IFT74: variants seen among roughly 807,000 people sequenced by gnomAD.
The protein encoded by IFT74 is intraflagellar transport 74.
In IFT74, 92 loss-of-function variants were observed where a neutral mutation model predicts 96.7. That is an observed-to-expected ratio of 0.95 (90% CI 0.80 to 1.13). IFT74 has a LOEUF of 1.13. Among genes scored for constraint, IFT74 ranks in the 50% most tolerant of loss-of-function variants. The pLI is 0.00. For missense variants in IFT74, 811 were observed against 698.2 expected, an observed-to-expected ratio of 1.16 and a Z score of -1.82; for synonymous variants, 223 against 213.2, an observed-to-expected ratio of 1.05 and a Z score of -0.40.
In IFT74 at chr9:26,981,093, C is replaced by T. The variant is rs528442507; in HGVS notation, c.305+474C>T. 5.9e-4 allele frequency among the ~76,000 whole-genome samples: 90 copies of T among 152,238 alleles called. No homozygotes were observed. The Middle Eastern group carries it at 0.014, about 23-fold the overall frequency. On this transcript the variant is annotated intron_variant, in intron 4 of 19. Coordinates refer to ENST00000380062, the MANE Select transcript of IFT74 (RefSeq NM_025103.4). ...GGTGCTGAGCTAGTTTCCTTCAACC[C>T]TTTTCTAAGGCACTAATCCCATCCA...
chr9:26,959,849 C>T (rs1431453511), intron 1 of IFT74, among the ~76,000 whole-genome samples: 1 of 152,150 alleles, frequency 6.6e-6, no homozygotes, highest in Non-Finnish European at 1.5e-5. Context: ...AATGAGGGTC[C>T]AGCTAAGATT....
chr9:26,962,017 G>A lies in IFT74; in HGVS notation c.50G>A (p.Gly17Glu). The change falls in exon 2 of 20, where the codon GGA becomes GAA. Residue 17 changes from glycine to glutamate, a missense_variant. Physicochemically the swap from Gly to Glu is moderately conservative, Grantham distance 98. Coordinates refer to ENST00000380062, the MANE Select transcript of IFT74 (RefSeq NM_025103.4). The part of the protein sequence containing the change: ...SSAARPVSRG[G>E]VGLTGRPPSG... The stretch of plus-strand genomic sequence containing the variant: ...GCAGCTCGCCCTGTTTCAAGAGGTG[G>A]AGTTGGGTTAACAGGAAGGCCTCCT... 1 of 1,614,158 alleles carries A rather than the reference G, an allele frequency of 6.2e-7. No homozygotes were observed. The highest frequency in any genetic ancestry group is 8.5e-7 in the Non-Finnish European group (1 of 1,179,994).
rs1360567716 is a variant in IFT74 at position 27,065,803 on chromosome 9, G to A, written c.*3067G>A. On this transcript the variant is annotated 3_prime_UTR_variant, in exon 20 of 20. Transcript: ENST00000380062. ...ATTATAATGTTTAGACTCAAAGTAA[G>A]AAGAAATAAAGATGGACCACTAGAG... Among the ~76,000 whole-genome samples the A allele has an allele frequency of 1.3e-5, 2 of 152,268 alleles. No homozygotes were observed. Among genetic ancestry groups the A allele is most frequent in the East Asian group, 3.9e-4 (2 of 5,184 alleles).
intron 18 of IFT74, among the ~76,000 whole-genome samples, chr9:27,058,142 G>A (rs969577106): frequency 6.6e-6 from 1 of 150,462 alleles, no homozygotes. Flanking sequence ...AGGGTAGAGT[G>A]TAGTGACATA....
intron 9 of IFT74, among the ~76,000 whole-genome samples, chr9:27,009,824 A>C (rs1372555565): frequency 1.3e-5 from 2 of 152,132 alleles, no homozygotes; most frequent in Non-Finnish European, 2.9e-5. Context: ...CATTTTTAAA[A>C]ATTAATTTTT....
At chr9:26,952,576 C>T (rs938411222), upstream of IFT74, among the ~76,000 whole-genome samples, 2 of 152,008 alleles carry the variant, frequency 1.3e-5, no homozygotes, top group African/African-American at 2.4e-5. Flanking sequence ...TGTGCCTTGC[C>T]GAAAGTTTAT....
chr9:27,012,747 C>T (rs1220470429), intron 10 of IFT74, among the ~76,000 whole-genome samples: 5 of 108,144 alleles, frequency 4.6e-5, no homozygotes, highest in East Asian at 3.7e-4. Context: ...GACAGAGTAT[C>T]GCTCTGTTGC....
chr9:27,015,109 A>G (rs896914813), intron 10 of IFT74, among the ~76,000 whole-genome samples: 1 of 152,254 alleles, frequency 6.6e-6, no homozygotes, highest in Admixed American at 6.5e-5. Flanking sequence ...TTTTATCAAG[A>G]TGAAATTCAA....
At chr9:26,982,335 G>T (rs1001728512) in intron 4 of IFT74, 3 of 439,438 alleles carry the variant, frequency 6.8e-6, no homozygotes, top group South Asian at 3.2e-5. Flanking sequence ...GGGATCTCAC[G>T]TCACTGCAAC....
intron 8 of IFT74, chr9:26,999,685 T>C: frequency 6.2e-7 from 1 of 1,608,254 alleles, no homozygotes; most frequent in Non-Finnish European, 8.5e-7. Flanking sequence ...GTGATGCCTG[T>C]GACTTTCATG....
chr9:26,998,030 C>T (rs760192218), intron 8 of IFT74: 1 of 1,613,688 alleles, frequency 6.2e-7, no homozygotes, highest in East Asian at 2.2e-5. Flanking sequence ...AATTTCTAGA[C>T]TGGAGAGGTT....
intron 13 of IFT74, among the ~76,000 whole-genome samples, chr9:27,038,985 C>G (rs761874366): frequency 6.6e-6 from 1 of 152,160 alleles, no homozygotes; most frequent in Admixed American, 6.5e-5. Context: ...CGACCTTAAA[C>G]GCTTGAAGAT....
At chr9:27,027,212 T>G (rs534163082) in intron 12 of IFT74, among the ~76,000 whole-genome samples, 6 of 151,914 alleles carry the variant, frequency 3.9e-5, no homozygotes, top group African/African-American at 1.2e-4. Context: ...ACTAGAAAAC[T>G]TAGAGGAGAC....
rs764892986 is a variant in IFT74 at position 27,011,922 on chromosome 9, A to C, written c.743A>C (p.Gln248Pro). The C allele has an allele frequency of 1.3e-6, 2 of 1,580,242 alleles. No homozygotes were observed. The highest frequency in any genetic ancestry group is 1.7e-6 in the Non-Finnish European group (2 of 1,164,684). Residue 248 changes from glutamine (Q) to proline (P), a missense_variant, in exon 10 of 20, where the codon CAA becomes CCA. Coordinates refer to ENST00000380062, the MANE Select transcript of IFT74 (RefSeq NM_025103.4). ...TCCACTTAGGAATTAGATACACTTC[A>C]ACAACAATTGGATTCACAGAACATG... ...EKLLQELDTLQQQLDSQNMKK... is the reference protein window; with the variant it reads ...EKLLQELDTLPQQLDSQNMKK...
At chr9:27,031,843 G>T in intron 13 of IFT74, among the ~76,000 whole-genome samples, 1 of 151,766 alleles carries the variant, frequency 6.6e-6, no homozygotes, top group South Asian at 2.1e-4. Context: ...GAGTAGCTAG[G>T]ACTACAGGTG....
intron 13 of IFT74, among the ~76,000 whole-genome samples, chr9:27,042,712 A>AT (rs993834746): frequency 6.6e-6 from 1 of 152,226 alleles, no homozygotes; most frequent in African/African-American, 2.4e-5. Flanking sequence ...TAATCCCTTA[A>AT]TGCCTGACCA....
upstream of IFT74, chr9:26,956,162 A>G (rs1826082581): frequency 6.6e-6 from 1 of 152,292 alleles, no homozygotes; most frequent in Non-Finnish European, 1.5e-5. Flanking sequence ...AGTTACTTCA[A>G]GTAAGGCACA....
chr9:27,011,544 A>G (rs919625935), intron 9 of IFT74, among the ~76,000 whole-genome samples: 29 of 152,190 alleles, frequency 1.9e-4, no homozygotes, highest in African/African-American at 6.8e-4. Context: ...ATCTTAAACA[A>G]TGACATAATT....
chr9:26,948,887 C>T (rs935111860), intron 1 of IFT74, among the ~76,000 whole-genome samples: 1 of 152,130 alleles, frequency 6.6e-6, no homozygotes. Context: ...TGTCACAATT[C>T]CCTGAACACA....
Sources: allele counts gnomAD v4.1 joint callset (sites outside exome capture counted in the v4.1 genomes callset), GRCh38; gene constraint gnomAD v4.1.1; transcripts MANE v1.5; gene names NCBI Gene and HGNC (gene_info 2026-07-23, HGNC 2026-07-21).